The following SLIT3 variants were observed in gnomAD, a reference collection of about 807,000 sequenced individuals.
SLIT3 encodes slit homolog 3 protein.
SLIT3 carries 68 observed loss-of-function variants against 184.0 expected under a neutral mutation model. The observed-to-expected ratio is 0.37, with a 90% CI of 0.30 to 0.45. SLIT3 has a LOEUF of 0.45. Ranked by LOEUF, SLIT3 falls within the 20% of genes least tolerant of loss-of-function variation. The pLI is 1.00. For synonymous variants in SLIT3, 831 were observed against 828.6 expected, an observed-to-expected ratio of 1.00 and a Z score of -0.05; for missense variants, 1,707 against 2,026.0, an observed-to-expected ratio of 0.84 and a Z score of 3.02.
chr5:169,013,561 A>G (rs1390017459), intron 4 of SLIT3, among the ~76,000 whole-genome samples: 1 of 152,222 alleles, frequency 6.6e-6, no homozygotes, highest in Non-Finnish European at 1.5e-5. Context: ...GATGCTTATT[A>G]AAGGCCAACT....
intron 1 of SLIT3, among the ~76,000 whole-genome samples, chr5:169,252,044 A>G: frequency 6.6e-6 from 1 of 152,214 alleles, no homozygotes; most frequent in East Asian, 1.9e-4. Flanking sequence ...GACCCATTCT[A>G]TCCCATCTCT....
At chr5:169,020,014 C>T (rs910901089) in intron 4 of SLIT3, among the ~76,000 whole-genome samples, 8 of 152,110 alleles carry the variant, frequency 5.3e-5, no homozygotes, top group Admixed American at 3.3e-4. Flanking sequence ...CAAATTTGGC[C>T]GCTGCCTGTT....
rs573160606 is a variant in SLIT3, at chr5:168,791,478, T to C, written c.1008-1847A>G. 1.6e-3 allele frequency: 238 copies of C among 152,348 alleles called. 1 individual carries two copies. The highest frequency in any genetic ancestry group is 6.8e-3 in the Middle Eastern group (2 of 294). The allele number at this position is 152,348 out of a possible 1,614,324, so 9.4% of individuals were successfully genotyped here. ...GGTCACTTTGTCTTTTTCTTTATTA[T>C]TATAAAAACTGCATATTTAGGCTGG... On this transcript the variant is annotated intron_variant, in intron 10 of 35. Coordinates refer to ENST00000519560, the MANE Select transcript of SLIT3 (RefSeq NM_003062.4).
chr5:168,927,111 G>A (rs1761852952), intron 4 of SLIT3, among the ~76,000 whole-genome samples: 2 of 152,164 alleles, frequency 1.3e-5, no homozygotes, highest in East Asian at 3.8e-4. Flanking sequence ...AAAAGTGGAA[G>A]CAATTCAAGT....
intron 4 of SLIT3, among the ~76,000 whole-genome samples, chr5:169,081,688 A>C (rs1368814967): frequency 6.6e-6 from 1 of 152,174 alleles, no homozygotes; most frequent in African/African-American, 2.4e-5. Context: ...CAGCTAGAGG[A>C]AGGCATGAGT....
chr5:169,205,235 A>G (rs142848526), intron 3 of SLIT3, among the ~76,000 whole-genome samples: 1 of 152,318 alleles, frequency 6.6e-6, no homozygotes, highest in African/African-American at 2.4e-5. Context: ...GCTGTGCTAT[A>G]TAATTCTAGC....
intron 3 of SLIT3, among the ~76,000 whole-genome samples, chr5:169,241,157 G>A (rs1370341133): frequency 6.6e-6 from 1 of 151,926 alleles, no homozygotes; most frequent in Non-Finnish European, 1.5e-5. Context: ...GTTTCCTCTT[G>A]GTTTAACTTT....
intron 5 of SLIT3, among the ~76,000 whole-genome samples, chr5:168,856,789 G>GTA (rs1300517366): frequency 5.5e-5 from 8 of 146,192 alleles, no homozygotes; most frequent in African/African-American, 2.1e-4. Context: ...GTGTGTGTGT[G>GTA]TGTGTGTGTG....
At chr5:168,797,495 T>C (rs1281865064) in intron 9 of SLIT3, among the ~76,000 whole-genome samples, 1 of 152,204 alleles carries the variant, frequency 6.6e-6, no homozygotes, top group Non-Finnish European at 1.5e-5. Flanking sequence ...AGGCTAGCAC[T>C]GGGTGTGAGG....
intron 11 of SLIT3, among the ~76,000 whole-genome samples, chr5:168,786,569 T>A (rs1756161307): frequency 6.6e-6 from 1 of 152,124 alleles, no homozygotes; most frequent in African/African-American, 2.4e-5. Context: ...TTACTTTCTA[T>A]CCGCTTTTCC....
intron 4 of SLIT3, among the ~76,000 whole-genome samples, chr5:169,144,865 C>G (rs1761876029): frequency 6.6e-6 from 1 of 152,168 alleles, no homozygotes; most frequent in African/African-American, 2.4e-5. Context: ...AAAGAAGTAG[C>G]AAGACGGAAA....
At chr5:168,889,265 G>C (rs990274594) in intron 4 of SLIT3, among the ~76,000 whole-genome samples, 3 of 152,132 alleles carry the variant, frequency 2.0e-5, no homozygotes, top group African/African-American at 7.2e-5. Context: ...TTTGCAGTTG[G>C]GTCACTGTCA....
At chr5:168,932,347 GACACACACACACACACACACACACACAC>G (rs375350401) in intron 4 of SLIT3, among the ~76,000 whole-genome samples, 1 of 131,094 alleles carries the variant, frequency 7.6e-6, no homozygotes, top group East Asian at 2.3e-4. Context: ...AGGGGAAAAA[GACACACACACACACACACACACACACAC>G]ACACACACAC....
At position 168,828,511 on chromosome 5, in the gene SLIT3, T is replaced by C. The variant is rs1264625032; in HGVS notation, c.558-5180A>G. On this transcript the variant is annotated intron_variant, in intron 6 of 35. Coordinates refer to ENST00000519560, the MANE Select transcript of SLIT3 (RefSeq NM_003062.4). Reference sequence around the variant, plus strand: ...AATAAATACATTAAAAAAATAAAAATTAGCTGGGTATGGTGGTGAGCAACG... The same window carrying C: ...AATAAATACATTAAAAAAATAAAAACTAGCTGGGTATGGTGGTGAGCAACG... Among the ~76,000 whole-genome samples the C allele has an allele frequency of 2.0e-5, 3 of 151,578 alleles. No individual in the cohort carries two copies. In the East Asian group the frequency reaches 5.8e-4, roughly 29 times the overall value.
intron 4 of SLIT3, among the ~76,000 whole-genome samples, chr5:169,066,489 T>TC: frequency 6.6e-6 from 1 of 152,284 alleles, no homozygotes; most frequent in East Asian, 1.9e-4. Context: ...CAACCACCAT[T>TC]CCCTGTGCCT....
At chr5:169,154,862 C>T (rs1003622427) in intron 4 of SLIT3, among the ~76,000 whole-genome samples, 5 of 152,206 alleles carry the variant, frequency 3.3e-5, no homozygotes, top group African/African-American at 9.6e-5. Context: ...ATCAGCAGAA[C>T]GTTCTTCTTG....
At chr5:168,975,763 C>A (rs1581261199) in intron 4 of SLIT3, among the ~76,000 whole-genome samples, 1 of 152,186 alleles carries the variant, frequency 6.6e-6, no homozygotes, top group Admixed American at 6.5e-5. Context: ...CTGTTCCTCA[C>A]TCCACCTCCT....
chr5:168,686,890 G>T, intron 30 of SLIT3, 89 bp downstream of exon 30: 1 of 1,518,940 alleles, frequency 6.6e-7, no homozygotes, highest in Non-Finnish European at 9.0e-7. Context: ...CTGGGCCTGA[G>T]TCTCCATTCT....
chr5:168,778,611 T>C lies in SLIT3; in HGVS notation c.1152-4233A>G, dbSNP rs143247865. Among the ~76,000 whole-genome samples, 480 of 152,368 alleles carry C rather than the reference T, an allele frequency of 3.2e-3. 1 individual carries two copies. The highest frequency in any genetic ancestry group is 0.011 in the African/African-American group (454 of 41,602). On this transcript the variant is annotated intron_variant, in intron 12 of 35. Coordinates refer to ENST00000519560, the MANE Select transcript of SLIT3 (RefSeq NM_003062.4). Reference sequence around the variant, plus strand: ...GGTTCTTTACTGAGTGGCTTGCATCTGTACGAGGCAAGGCTTCCCCCTTCA... The same window carrying C: ...GGTTCTTTACTGAGTGGCTTGCATCCGTACGAGGCAAGGCTTCCCCCTTCA...
Sources: allele counts gnomAD v4.1 joint callset (sites outside exome capture counted in the v4.1 genomes callset), GRCh38; gene constraint gnomAD v4.1.1; transcripts MANE v1.5; gene names NCBI Gene and HGNC (gene_info 2026-07-23, HGNC 2026-07-21).